AFAP1L2: variants seen among roughly 807,000 people sequenced by gnomAD.
AFAP1L2 encodes the protein actin filament associated protein 1 like 2.
A neutral mutation model predicts 99.3 loss-of-function variants in AFAP1L2; 46 were observed. The ratio of observed to expected loss-of-function variants is 0.46; its 90% confidence interval spans 0.37 to 0.59. AFAP1L2 has a LOEUF of 0.59. Ranked by LOEUF, AFAP1L2 falls within the 20% of genes least tolerant of loss-of-function variation. The pLI is 0.00. For synonymous variants in AFAP1L2, 397 were observed against 419.1 expected (o/e 0.95, Z 0.64); for missense variants, 959 against 1,034.9 (o/e 0.93, Z 1.01).
At chr10:114,284,230 C>G in the AFAP1L2 span, among the ~76,000 whole-genome samples, 1 of 152,232 alleles carries the variant, frequency 6.6e-6, no homozygotes, top group Non-Finnish European at 1.5e-5. Flanking sequence ...TTGCATCTCA[C>G]ATCCAAAAGT....
chr10:114,365,557 A>T (rs747128455), intron 1 of AFAP1L2, among the ~76,000 whole-genome samples: 1 of 152,172 alleles, frequency 6.6e-6, no homozygotes, highest in African/African-American at 2.4e-5. Flanking sequence ...TACCTACAGT[A>T]GCCCCAATGA....
chr10:114,282,908 A>G, the AFAP1L2 span, among the ~76,000 whole-genome samples: 4 of 152,338 alleles, frequency 2.6e-5, no homozygotes, highest in Middle Eastern at 3.4e-3. Flanking sequence ...TTCCTCCTCT[A>G]TAAAACATAG....
chr10:114,398,153 G>A (rs760268132), intron 1 of AFAP1L2, among the ~76,000 whole-genome samples: 44 of 152,182 alleles, frequency 2.9e-4, no homozygotes, highest in Non-Finnish European at 4.4e-4. Flanking sequence ...GAAACTAACT[G>A]GGGAGAATAT....
chr10:114,293,735 T>C (rs577067690), downstream of AFAP1L2, among the ~76,000 whole-genome samples: 7 of 152,374 alleles, frequency 4.6e-5, no homozygotes, highest in East Asian at 1.2e-3. Flanking sequence ...TCCAGTCATC[T>C]TGTTGAATAC....
chr10:114,349,399 A>AAAG (rs1554926985), intron 1 of AFAP1L2, among the ~76,000 whole-genome samples: 5 of 141,628 alleles, frequency 3.5e-5, no homozygotes, highest in Non-Finnish European at 6.1e-5. Flanking sequence ...AAAAAAAAAA[A>AAAG]AAAAGAAAAG....
chr10:114,356,074 A>G (rs1239193848), intron 1 of AFAP1L2, among the ~76,000 whole-genome samples: 1 of 152,240 alleles, frequency 6.6e-6, no homozygotes. Flanking sequence ...TACCATGTAT[A>G]TAAAATACAT....
At chr10:114,338,044 A>C (rs2048247911) in intron 2 of AFAP1L2, among the ~76,000 whole-genome samples, 2 of 152,246 alleles carry the variant, frequency 1.3e-5, no homozygotes, top group African/African-American at 4.8e-5. Flanking sequence ...AGTCTGAAAG[A>C]AAACACCTCT....
chr10:114,367,820 A>G (rs1312690571), intron 1 of AFAP1L2, among the ~76,000 whole-genome samples: 1 of 152,228 alleles, frequency 6.6e-6, no homozygotes, highest in African/African-American at 2.4e-5. Flanking sequence ...GCTGATGGCT[A>G]TGGGAAGGCG....
intron 1 of AFAP1L2, among the ~76,000 whole-genome samples, chr10:114,367,930 C>T (rs2053526286): frequency 1.3e-5 from 2 of 152,180 alleles, no homozygotes; most frequent in Non-Finnish European, 1.5e-5. Flanking sequence ...ACTACATGAA[C>T]ACATTAATGT....
intron 6 of AFAP1L2, among the ~76,000 whole-genome samples, chr10:114,314,909 G>A (rs1207896994): frequency 6.6e-6 from 1 of 152,202 alleles, no homozygotes; most frequent in Non-Finnish European, 1.5e-5. Flanking sequence ...TTGGGAGGCT[G>A]AGGCAGGCAG....
At chr10:114,309,629 G>A (rs1465543876) in intron 8 of AFAP1L2, among the ~76,000 whole-genome samples, 2 of 143,702 alleles carry the variant, frequency 1.4e-5, no homozygotes, top group African/African-American at 2.5e-5. Flanking sequence ...AAAGCTCCCC[G>A]AAAGCACCAT....
chr10:114,332,742 A>C (rs534262727), intron 3 of AFAP1L2, among the ~76,000 whole-genome samples: 6 of 152,356 alleles, frequency 3.9e-5, no homozygotes, highest in Non-Finnish European at 8.8e-5. Flanking sequence ...GCACCATGGA[A>C]GAAAACATAT....
downstream of AFAP1L2, chr10:114,291,323 C>T (rs748158375): frequency 4.2e-6 from 6 of 1,429,026 alleles, no homozygotes; most frequent in Middle Eastern, 5.4e-4. Flanking sequence ...TGGTGCCTAC[C>T]TTCTGGAATG....
At chr10:114,346,666 G>A (rs985190109) in intron 1 of AFAP1L2, among the ~76,000 whole-genome samples, 25 of 152,242 alleles carry the variant, frequency 1.6e-4, no homozygotes, top group Admixed American at 3.3e-4. Flanking sequence ...TCTCTTCCTC[G>A]TCCTCCTGTG....
At chr10:114,288,898 G>A in the AFAP1L2 span, 2 of 1,566,766 alleles carry the variant, frequency 1.3e-6, no homozygotes, top group Non-Finnish European at 1.7e-6. Context: ...GGCTCTGACT[G>A]GCACATCCAC....
chr10:114,380,406 T>TAA (rs1374352657), intron 1 of AFAP1L2, among the ~76,000 whole-genome samples: 1 of 152,206 alleles, frequency 6.6e-6, no homozygotes, highest in Non-Finnish European at 1.5e-5. Context: ...CCTTTCCTCA[T>TAA]AGACTTATAA....
rs115245271 is a variant in AFAP1L2 at position 114,343,078 on chromosome 10, G to A, written c.17-2347C>T. ...ATTAGTGGCCTGGATTAAGAGTAAA[G>A]AGAAGTCCACTAAAAATCCAGGTAT... On this transcript the variant is annotated intron_variant, in intron 1 of 18. Transcript: ENST00000304129. Among the ~76,000 whole-genome samples, 1,278 of 152,336 alleles carry A rather than the reference G, an allele frequency of 8.4e-3. 18 individuals are homozygous for A. The highest frequency in any genetic ancestry group is 0.028 in the African/African-American group (1,183 of 41,572).
At chr10:114,338,578 T>C (rs2048326585) in intron 2 of AFAP1L2, among the ~76,000 whole-genome samples, 1 of 152,206 alleles carries the variant, frequency 6.6e-6, no homozygotes, top group Admixed American at 6.5e-5. Flanking sequence ...TTGTGATGTA[T>C]TCACAGAATG....
chr10:114,389,702 G>C (rs2056914430), intron 1 of AFAP1L2, among the ~76,000 whole-genome samples: 1 of 152,216 alleles, frequency 6.6e-6, no homozygotes, highest in Non-Finnish European at 1.5e-5. Flanking sequence ...TGTGACAATG[G>C]TGGACTGCTA....
Sources: allele counts gnomAD v4.1 joint callset (sites outside exome capture counted in the v4.1 genomes callset), GRCh38; gene constraint gnomAD v4.1.1; transcripts MANE v1.5; gene names NCBI Gene and HGNC (gene_info 2026-07-23, HGNC 2026-07-21).